The following APBA1 variants were observed in gnomAD, a reference collection of about 807,000 sequenced individuals.
The protein encoded by APBA1 is amyloid-beta A4 precursor protein-binding family A member 1.
In APBA1, 55 loss-of-function variants were observed where a neutral mutation model predicts 86.6. The ratio of observed to expected loss-of-function variants is 0.64; its 90% confidence interval spans 0.51 to 0.80. APBA1 has a LOEUF of 0.80. APBA1 is among the 30% of genes least tolerant of loss of function. APBA1 has a pLI of 0.00. For synonymous variants in APBA1, 511 were observed against 493.9 expected (o/e 1.03, Z -0.46); for missense variants, 1,090 against 1,183.0 (o/e 0.92, Z 1.15).
chr9:69,483,990 T>G (rs1835567058), intron 2 of APBA1, among the ~76,000 whole-genome samples: 1 of 152,114 alleles, frequency 6.6e-6, no homozygotes, highest in South Asian at 2.1e-4. Context: ...TTAATGCCTT[T>G]AAATTTCCCC....
At chr9:69,644,924 G>A (rs868606422) in intron 1 of APBA1, among the ~76,000 whole-genome samples, 1 of 152,120 alleles carries the variant, frequency 6.6e-6, no homozygotes, top group Non-Finnish European at 1.5e-5. Context: ...TTATGGCCTA[G>A]ATAGGGCTCT....
chr9:69,658,709 G>A (rs937539683), intron 1 of APBA1, among the ~76,000 whole-genome samples: 1 of 151,798 alleles, frequency 6.6e-6, no homozygotes, highest in Admixed American at 6.6e-5. Flanking sequence ...CTGTCCTCAA[G>A]TCCCTACTTT....
At chr9:69,575,653 T>C (rs1410252845) in intron 1 of APBA1, among the ~76,000 whole-genome samples, 1 of 152,176 alleles carries the variant, frequency 6.6e-6, no homozygotes, top group Non-Finnish European at 1.5e-5. Context: ...TGGCTAGCCA[T>C]ATGTAGAAAG....
At chr9:69,625,828 AT>A (rs1158851416) in intron 1 of APBA1, among the ~76,000 whole-genome samples, 1 of 152,170 alleles carries the variant, frequency 6.6e-6, no homozygotes, top group African/African-American at 2.4e-5. Context: ...AGAGAGCAAC[AT>A]ATGTCACTGG....
chr9:69,626,341 T>C (rs1253111844), intron 1 of APBA1, among the ~76,000 whole-genome samples: 1 of 152,078 alleles, frequency 6.6e-6, no homozygotes, highest in East Asian at 1.9e-4. Flanking sequence ...TGTTTGTTTG[T>C]TTGTTTTTGG....
At chr9:69,503,748 C>T (rs1835913111) in intron 2 of APBA1, among the ~76,000 whole-genome samples, 1 of 152,042 alleles carries the variant, frequency 6.6e-6, no homozygotes, top group Admixed American at 6.5e-5. Flanking sequence ...CTCTCAGTTC[C>T]ACTCTTTCTA....
At chr9:69,453,046 G>A (rs751737905) in intron 8 of APBA1, among the ~76,000 whole-genome samples, 6 of 152,220 alleles carry the variant, frequency 3.9e-5, no homozygotes, top group Non-Finnish European at 7.4e-5. Context: ...GTAGGCATAA[G>A]CATCTCACTA....
chr9:69,528,221 T>G (rs1836372658), intron 1 of APBA1, among the ~76,000 whole-genome samples: 1 of 152,150 alleles, frequency 6.6e-6, no homozygotes, highest in African/African-American at 2.4e-5. Flanking sequence ...CACCTTGCAG[T>G]CTGTATAATT....
At chr9:69,668,102 T>C (rs1823876942) in intron 1 of APBA1, among the ~76,000 whole-genome samples, 1 of 152,204 alleles carries the variant, frequency 6.6e-6, no homozygotes, top group African/African-American at 2.4e-5. Context: ...TCAAGGATCC[T>C]ATCCTTACTT....
upstream of APBA1, among the ~76,000 whole-genome samples, chr9:69,672,538 CGCGCGGCCCGCGAGCCCGCG>C (rs1243736123): frequency 1.4e-5 from 2 of 146,972 alleles, no homozygotes; most frequent in East Asian, 4.0e-4. Flanking sequence ...CTCGCGTGCG[CGCGCGGCCCGCGAGCCCGCG>C]GCGGCGGCGG....
intron 2 of APBA1, among the ~76,000 whole-genome samples, chr9:69,503,472 A>G (rs1357285766): frequency 2.0e-5 from 3 of 151,966 alleles, no homozygotes; most frequent in Admixed American, 2.0e-4. Context: ...TACCTCTTTC[A>G]TGTTACATGC....
chr9:69,444,094 G>C (rs139229517), intron 10 of APBA1, among the ~76,000 whole-genome samples: 1 of 151,870 alleles, frequency 6.6e-6, no homozygotes, highest in African/African-American at 2.4e-5. Context: ...TGCTCCCCCC[G>C]TGCTCTGAAT....
At chr9:69,610,217 G>C (rs933925652) in intron 1 of APBA1, among the ~76,000 whole-genome samples, 1 of 152,122 alleles carries the variant, frequency 6.6e-6, no homozygotes, top group African/African-American at 2.4e-5. Flanking sequence ...CTGCTTTTGA[G>C]GCTGAGGCTG....
chr9:69,636,567 G>A (rs561816494), intron 1 of APBA1, among the ~76,000 whole-genome samples: 12 of 151,932 alleles, frequency 7.9e-5, no homozygotes, highest in African/African-American at 1.7e-4. Context: ...AGGCTGAGGC[G>A]AGCTGATCAC....
chr9:69,593,267 T>C (rs944839263), intron 1 of APBA1, among the ~76,000 whole-genome samples: 45 of 152,350 alleles, frequency 3.0e-4, no homozygotes, highest in African/African-American at 1.0e-3. Context: ...CTTGTGCTTA[T>C]CTGTGTCTAG....
At position 69,428,998 on chromosome 9, in the gene APBA1, G is replaced by C. The variant is rs1834540277; in HGVS notation, c.*2329C>G. The stretch of plus-strand genomic sequence containing the variant: ...AAGTTTACAAGGTTTTTGTGCAATA[G>C]GAATAGAAAGTATATTCTCTCCTTT... On this transcript the variant is annotated 3_prime_UTR_variant, in exon 13 of 13. Coordinates refer to ENST00000265381, the MANE Select transcript of APBA1 (RefSeq NM_001163.4). The C allele has an allele frequency of 2.6e-5, 4 of 152,206 alleles. No homozygotes were observed. The allele number at this position is 152,206 out of a possible 1,614,324, so 9.4% of individuals were successfully genotyped here. A position where few individuals can be genotyped will look rare whatever the true frequency, so the allele number is the denominator to read the frequency against.
At chr9:69,599,380 A>C (rs1822302846) in intron 1 of APBA1, among the ~76,000 whole-genome samples, 1 of 152,228 alleles carries the variant, frequency 6.6e-6, no homozygotes, top group Admixed American at 6.5e-5. Flanking sequence ...CATTCACAAT[A>C]GTCAGTGTTC....
intron 3 of APBA1, among the ~76,000 whole-genome samples, chr9:69,473,050 C>T (rs1835389686): frequency 6.6e-6 from 1 of 152,108 alleles, no homozygotes; most frequent in Non-Finnish European, 1.5e-5. Context: ...TGTGTGCTCA[C>T]TGGGATGAAA....
At chr9:69,576,285 T>C (rs1455823165) in intron 1 of APBA1, among the ~76,000 whole-genome samples, 2 of 152,234 alleles carry the variant, frequency 1.3e-5, no homozygotes, top group African/African-American at 2.4e-5. Context: ...TCAACCATTG[T>C]GGAAGTCAGT....
Sources: gnomAD v4.1 joint callset for allele counts (sites outside exome capture counted in the v4.1 genomes callset) on GRCh38, gnomAD v4.1.1 for gene constraint, MANE v1.5 for transcripts, NCBI Gene and HGNC (gene_info 2026-07-23, HGNC 2026-07-21) for gene names.